The following CNTNAP5 variants were observed in gnomAD, a reference collection of about 807,000 sequenced individuals.
The protein encoded by CNTNAP5 is contactin-associated protein-like 5.
CNTNAP5 carries 72 observed loss-of-function variants against 150.2 expected under a neutral mutation model. The ratio of observed to expected loss-of-function variants is 0.48; its 90% CI spans 0.40 to 0.58. CNTNAP5 has a LOEUF of 0.58. Among genes scored for constraint, CNTNAP5 ranks in the 20% least tolerant of loss-of-function variants. The pLI is 0.00. For synonymous variants in CNTNAP5, 672 were observed against 619.8 expected, an observed-to-expected ratio of 1.08 and a Z score of -1.25; for missense variants, 1,636 against 1,626.2, an observed-to-expected ratio of 1.01 and a Z score of -0.10.
intron 2 of CNTNAP5, among the ~76,000 whole-genome samples, chr2:124,232,229 A>G (rs957194711): frequency 6.6e-6 from 1 of 152,202 alleles, no homozygotes; most frequent in African/African-American, 2.4e-5. Context: ...ATATTTGTCT[A>G]GTGATTGGCA....
intron 13 of CNTNAP5, among the ~76,000 whole-genome samples, chr2:124,659,449 A>T (rs1391664598): frequency 6.6e-6 from 1 of 152,186 alleles, no homozygotes; most frequent in Non-Finnish European, 1.5e-5. Flanking sequence ...AAAAATAAAC[A>T]CAACATAATT....
At chr2:124,203,686 C>G (rs997890775) in intron 1 of CNTNAP5, among the ~76,000 whole-genome samples, 4 of 152,232 alleles carry the variant, frequency 2.6e-5, no homozygotes, top group Admixed American at 6.5e-5. Context: ...GCTGCCAAGA[C>G]TTGGTGACTG....
chr2:124,630,444 A>G (rs957738560), intron 12 of CNTNAP5, among the ~76,000 whole-genome samples: 1 of 152,210 alleles, frequency 6.6e-6, no homozygotes, highest in African/African-American at 2.4e-5. Context: ...AATGTAATTC[A>G]TCACATAAAC....
intron 3 of CNTNAP5, among the ~76,000 whole-genome samples, chr2:124,271,005 G>A (rs908978720): frequency 1.3e-5 from 2 of 151,976 alleles, no homozygotes; most frequent in Non-Finnish European, 2.9e-5. Flanking sequence ...GAGAGATGTC[G>A]ATTCTTTCAG....
In CNTNAP5 at chr2:124,198,025, G is replaced by A. The variant is rs150780576; in HGVS notation, c.83-23680G>A. Among the ~76,000 whole-genome samples, 9 of 151,690 alleles carry A rather than the reference G, an allele frequency of 5.9e-5. No homozygotes were observed. In the East Asian group the frequency reaches 1.2e-3, roughly 20 times the overall value. The stretch of plus-strand genomic sequence containing the variant: ...AATAATAATAATAATAAAACAATAC[G>A]TAGGTATTCCATTTGTATTGACTCT... On this transcript the variant is annotated intron_variant, in intron 1 of 23. Coordinates refer to ENST00000682447, the MANE Select transcript of CNTNAP5 (RefSeq NM_001367498.1).
intron 12 of CNTNAP5, among the ~76,000 whole-genome samples, chr2:124,627,755 A>G (rs1677759221): frequency 6.6e-6 from 1 of 152,192 alleles, no homozygotes; most frequent in Non-Finnish European, 1.5e-5. Flanking sequence ...AAAGTGGGTA[A>G]TAATAAACAT....
intron 4 of CNTNAP5, among the ~76,000 whole-genome samples, chr2:124,426,217 A>G (rs1284467381): frequency 1.3e-5 from 2 of 152,048 alleles, no homozygotes; most frequent in Non-Finnish European, 2.9e-5. Context: ...ATGTGCTATC[A>G]TGCATAGGAA....
At chr2:124,129,160 C>A (rs951482745) in intron 1 of CNTNAP5, among the ~76,000 whole-genome samples, 1 of 151,780 alleles carries the variant, frequency 6.6e-6, no homozygotes, top group African/African-American at 2.4e-5. Flanking sequence ...TTTAATACAA[C>A]TAGATGGTGG....
chr2:124,775,573 G>T (rs1026470504), intron 17 of CNTNAP5, among the ~76,000 whole-genome samples: 1 of 152,148 alleles, frequency 6.6e-6, no homozygotes, highest in East Asian at 1.9e-4. Context: ...AATAGGCTGC[G>T]TTTTTACAAT....
intron 13 of CNTNAP5, among the ~76,000 whole-genome samples, chr2:124,725,621 C>G (rs1443746174): frequency 6.6e-6 from 1 of 151,960 alleles, no homozygotes; most frequent in East Asian, 1.9e-4. Flanking sequence ...GTATGCAGTA[C>G]AGTAGTATCA....
intron 10 of CNTNAP5, among the ~76,000 whole-genome samples, chr2:124,556,670 G>A (rs1479438640): frequency 1.3e-5 from 2 of 152,090 alleles, no homozygotes; most frequent in African/African-American, 4.8e-5. Context: ...GTGATAAGTG[G>A]TGAGAGTCAG....
chr2:124,819,201 C>T (rs1355398428), intron 19 of CNTNAP5, among the ~76,000 whole-genome samples: 2 of 152,098 alleles, frequency 1.3e-5, no homozygotes, highest in Non-Finnish European at 2.9e-5. Context: ...GCCTGTCATC[C>T]AAACCTTAAT....
At chr2:124,838,368 C>T (rs1038943315) in intron 19 of CNTNAP5, among the ~76,000 whole-genome samples, 8 of 152,070 alleles carry the variant, frequency 5.3e-5, no homozygotes, top group East Asian at 1.9e-4. Flanking sequence ...CTCTTAAACA[C>T]GATTCTGGCC....
chr2:124,219,599 T>G (rs1269045899), intron 1 of CNTNAP5, among the ~76,000 whole-genome samples: 1 of 152,018 alleles, frequency 6.6e-6, no homozygotes, highest in Non-Finnish European at 1.5e-5. Context: ...TATATGTGTT[T>G]GTGTGTGTGT....
chr2:124,587,102 G>C (rs963851837), intron 11 of CNTNAP5, among the ~76,000 whole-genome samples: 1 of 152,116 alleles, frequency 6.6e-6, no homozygotes, highest in African/African-American at 2.4e-5. Context: ...AGGCACTATA[G>C]GATCAAATGG....
chr2:124,246,687 A>G (rs1687037302), intron 3 of CNTNAP5, among the ~76,000 whole-genome samples: 1 of 152,150 alleles, frequency 6.6e-6, no homozygotes, highest in South Asian at 2.1e-4. Flanking sequence ...ATATCCATGA[A>G]TAACCACAAT....
chr2:124,161,608 T>C (rs1684681012), intron 1 of CNTNAP5, among the ~76,000 whole-genome samples: 1 of 152,202 alleles, frequency 6.6e-6, no homozygotes, highest in Non-Finnish European at 1.5e-5. Context: ...TACTTACTCA[T>C]TTGAGTGTGG....
At chr2:124,662,308 T>C (rs1012497624) in intron 13 of CNTNAP5, among the ~76,000 whole-genome samples, 1 of 152,200 alleles carries the variant, frequency 6.6e-6, no homozygotes, top group African/African-American at 2.4e-5. Flanking sequence ...TGTGTCTTTA[T>C]AGTAGAATGA....
At chr2:124,481,124 C>T (rs1225646754) in intron 7 of CNTNAP5, among the ~76,000 whole-genome samples, 2 of 152,162 alleles carry the variant, frequency 1.3e-5, no homozygotes, top group Non-Finnish European at 2.9e-5. Flanking sequence ...CGGGTGAGGG[C>T]TCCCTTCCAG....
Sources: allele counts gnomAD v4.1 joint callset (sites outside exome capture counted in the v4.1 genomes callset), GRCh38; gene constraint gnomAD v4.1.1; transcripts MANE v1.5; gene names NCBI Gene and HGNC (gene_info 2026-07-23, HGNC 2026-07-21).